The following GALNTL6 variants were observed in gnomAD, a reference collection of about 807,000 sequenced individuals.
GALNTL6 encodes polypeptide N-acetylgalactosaminyltransferase-like 6.
GALNTL6 carries 46 observed loss-of-function variants against 73.7 expected under a neutral mutation model. The observed-to-expected ratio is 0.62, with a 90% CI of 0.49 to 0.80. The LOEUF (loss-of-function observed/expected upper bound fraction) is 0.80, where lower values mean the gene tolerates loss of function less well. Among genes scored for constraint, GALNTL6 ranks in the 30% least tolerant of loss-of-function variants. The pLI is 0.00. For missense variants in GALNTL6, 604 were observed against 755.0 expected (o/e 0.80, Z 2.34); for synonymous variants, 259 against 263.7 (o/e 0.98, Z 0.17).
chr4:171,977,838 A>C (rs1739768248), intron 2 of GALNTL6, among the ~76,000 whole-genome samples: 1 of 152,192 alleles, frequency 6.6e-6, no homozygotes, highest in African/African-American at 2.4e-5. Context: ...CTTACGATGT[A>C]TTTCTAGATT....
intron 2 of GALNTL6, among the ~76,000 whole-genome samples, chr4:172,093,441 A>G (rs985817821): frequency 9.2e-5 from 14 of 152,226 alleles, no homozygotes; most frequent in African/African-American, 3.1e-4. Context: ...TACTTTTCTC[A>G]TACACTCTGT....
intron 2 of GALNTL6, among the ~76,000 whole-genome samples, chr4:172,054,682 G>A (rs1010836793): frequency 7.2e-5 from 11 of 152,098 alleles, no homozygotes; most frequent in African/African-American, 2.7e-4. Flanking sequence ...AACATTGAGG[G>A]TTACGTTTCA....
intron 5 of GALNTL6, among the ~76,000 whole-genome samples, chr4:172,634,983 G>A (rs2196669): frequency 0.36 from 55,171 of 152,008 alleles, 11,046 homozygotes; most frequent in African/African-American, 0.51. Flanking sequence ...CAGATTTGAT[G>A]GCTTACATCA....
intron 4 of GALNTL6, among the ~76,000 whole-genome samples, chr4:172,336,701 G>A (rs1258509923): frequency 6.6e-6 from 1 of 152,172 alleles, no homozygotes; most frequent in Admixed American, 6.5e-5. Flanking sequence ...GCATGCAGAC[G>A]AGAAAAATGT....
At chr4:172,472,057 C>G (rs1049718995) in intron 5 of GALNTL6, among the ~76,000 whole-genome samples, 8 of 152,172 alleles carry the variant, frequency 5.3e-5, no homozygotes, top group Non-Finnish European at 1.2e-4. Flanking sequence ...TGCTATAGTA[C>G]AACATCTCCA....
At chr4:172,441,412 C>A (rs145878776) in intron 5 of GALNTL6, among the ~76,000 whole-genome samples, 1 of 152,220 alleles carries the variant, frequency 6.6e-6, no homozygotes, top group African/African-American at 2.4e-5. Context: ...TCAATCAATA[C>A]TCAATGCTTT....
At chr4:172,644,427 T>C (rs552256920) in intron 5 of GALNTL6, among the ~76,000 whole-genome samples, 1 of 152,062 alleles carries the variant, frequency 6.6e-6, no homozygotes, top group African/African-American at 2.4e-5. Flanking sequence ...GAGGTTACTA[T>C]TTTGACTTTT....
chr4:172,885,406 C>T (rs1204512554), intron 8 of GALNTL6, among the ~76,000 whole-genome samples: 3 of 152,022 alleles, frequency 2.0e-5, no homozygotes, highest in Non-Finnish European at 2.9e-5. Context: ...AGATTGATTT[C>T]TGTTAGTGTA....
chr4:172,531,943 C>G (rs1185899971), intron 5 of GALNTL6, among the ~76,000 whole-genome samples: 2 of 152,162 alleles, frequency 1.3e-5, no homozygotes, highest in African/African-American at 4.8e-5. Context: ...AACATAAATT[C>G]AAAGATAAAG....
chr4:172,068,712 GT>G lies in GALNTL6; in HGVS notation c.139-160943del, dbSNP rs1222060261. On this transcript the variant is annotated intron_variant, in intron 2 of 12. Coordinates refer to ENST00000506823, the MANE Select transcript of GALNTL6 (RefSeq NM_001034845.3). ...TCTGCCCAGCCCTCTCCTTTATATT[GT>G]AAATTCCATTTCAGCAATGGCTTTG... 5.5e-5 allele frequency among the ~76,000 whole-genome samples: 6 copies of G among 109,732 alleles called. 2 individuals carry two copies. Among genetic ancestry groups the G allele is most frequent in the African/African-American group, 2.1e-4 (6 of 29,144 alleles). 72.0% of individuals were successfully genotyped at this position (109,732 alleles called of 152,430 possible).
intron 2 of GALNTL6, among the ~76,000 whole-genome samples, chr4:171,984,956 T>C (rs919427261): frequency 1.2e-4 from 18 of 146,754 alleles, no homozygotes; most frequent in African/African-American, 4.6e-4. Flanking sequence ...ATTAAGACCA[T>C]CAAAAATTAG....
At chr4:172,255,492 C>T (rs1738042114) in intron 3 of GALNTL6, among the ~76,000 whole-genome samples, 1 of 151,506 alleles carries the variant, frequency 6.6e-6, no homozygotes, top group Non-Finnish European at 1.5e-5. Flanking sequence ...TGGGCCTTTA[C>T]TCCAATTAAT....
At chr4:173,022,310 G>A (rs184690762) in intron 12 of GALNTL6, among the ~76,000 whole-genome samples, 40 of 152,300 alleles carry the variant, frequency 2.6e-4, no homozygotes, top group Admixed American at 9.2e-4. Flanking sequence ...GGGAAAAATC[G>A]TGTGTGTAGA....
chr4:172,600,561 T>A (rs548063562), intron 5 of GALNTL6, among the ~76,000 whole-genome samples: 2 of 152,220 alleles, frequency 1.3e-5, no homozygotes, highest in African/African-American at 4.8e-5. Flanking sequence ...CTCTAAGGAT[T>A]TTGCCCGATA....
intron 5 of GALNTL6, among the ~76,000 whole-genome samples, chr4:172,571,513 T>A (rs529895515): frequency 1.4e-4 from 21 of 152,310 alleles, no homozygotes; most frequent in Admixed American, 9.2e-4. Context: ...CAAGTTTTTT[T>A]AAAAAATACC....
chr4:171,936,639 T>C (rs778506186), intron 2 of GALNTL6, among the ~76,000 whole-genome samples: 1 of 152,116 alleles, frequency 6.6e-6, no homozygotes, highest in African/African-American at 2.4e-5. Flanking sequence ...GCTATTATAA[T>C]CTAAACTTGT....
Position 172,512,194 on chromosome 4 carries a change from T to C in GALNTL6, c.553+163505T>C, listed in dbSNP as rs1472792065. On this transcript the variant is annotated intron_variant, in intron 5 of 12. Transcript: ENST00000506823. ...GATCTTTTATCATTATATAACGTCA[T>C]CCTTTATCTTTTTTTTACTGTTGGT... is the stretch of plus-strand genomic sequence containing the variant. Among the ~76,000 whole-genome samples, 3 of 55,208 alleles carry C rather than the reference T, an allele frequency of 5.4e-5. 1 individual carries two copies. The highest frequency in any genetic ancestry group is 1.3e-4 in the Non-Finnish European group (3 of 23,778). 36.2% of individuals were successfully genotyped at this position (55,208 alleles called of 152,430 possible). A position where few individuals can be genotyped will look rare whatever the true frequency, so the allele number is the denominator to read the frequency against.
In GALNTL6 at chr4:172,381,226, A is replaced by T. The variant is rs141368805; in HGVS notation, c.553+32537A>T. Among the ~76,000 whole-genome samples, 622 of 152,356 alleles carry T rather than the reference A, an allele frequency of 4.1e-3. 5 individuals carry two copies. The highest frequency in any genetic ancestry group is 0.014 in the African/African-American group (575 of 41,578). On this transcript the variant is annotated intron_variant, in intron 5 of 12. Transcript: ENST00000506823. The stretch of plus-strand genomic sequence containing the variant: ...GATGAAACAAATGATTATTTCCTTT[A>T]AAGCTATTTCCTTTTTACTTTTTGT...
chr4:172,036,461 C>T (rs11132922), intron 2 of GALNTL6, among the ~76,000 whole-genome samples: 45,845 of 151,826 alleles, frequency 0.3, 7,798 homozygotes, highest in Middle Eastern at 0.43. Flanking sequence ...ATTGTATTCT[C>T]CCAAAAATCT....
Sources: gnomAD v4.1 joint callset for allele counts (sites outside exome capture counted in the v4.1 genomes callset) on GRCh38, gnomAD v4.1.1 for gene constraint, MANE v1.5 for transcripts, NCBI Gene and HGNC (gene_info 2026-07-23, HGNC 2026-07-21) for gene names.